The following CDC23 variants were observed in gnomAD, a reference collection of about 807,000 sequenced individuals.
CDC23 encodes the protein cell division cycle protein 23 homolog.
CDC23 carries 26 observed loss-of-function variants against 81.7 expected under a neutral mutation model. That is an observed-to-expected ratio of 0.32 (90% CI 0.23 to 0.44). The LOEUF is 0.44. Ranked by LOEUF, CDC23 falls within the 20% of genes least tolerant of loss-of-function variation. CDC23 has a pLI of 1.00. For synonymous variants in CDC23, 267 were observed against 270.8 expected (o/e 0.99, Z 0.14); for missense variants, 519 against 728.0 (o/e 0.71, Z 3.30).
intron 2 of CDC23, among the ~76,000 whole-genome samples, chr5:138,209,560 C>T (rs1755090462): frequency 6.6e-6 from 1 of 152,002 alleles, no homozygotes; most frequent in Non-Finnish European, 1.5e-5. Flanking sequence ...TGTGGTGGCT[C>T]ACACCTGTAA....
intron 6 of CDC23, among the ~76,000 whole-genome samples, chr5:138,199,359 A>C (rs780714490): frequency 1.1e-4 from 16 of 152,190 alleles, no homozygotes; most frequent in Non-Finnish European, 1.9e-4. Context: ...GCACTTTGGG[A>C]GGCTATGGGA....
chr5:138,205,643 T>A (rs908399283), intron 3 of CDC23, among the ~76,000 whole-genome samples: 1 of 150,502 alleles, frequency 6.6e-6, no homozygotes, highest in Admixed American at 6.7e-5. Flanking sequence ...ACATTATGAA[T>A]GCATTTAATA....
chr5:138,213,226 C>T lies in CDC23; in HGVS notation c.87G>A (p.Leu29=). ...GCAGCAGTTGCTTTTTAATTTCCCG[C>T]AAATCTGAGAAATCGCTGTTTATGG... ...VLSINSDFSD[L]REIKKQLLLI... The change falls in exon 1 of 16, where the codon TTG becomes TTA. Residue 29 remains leucine, a synonymous_variant. Transcript: ENST00000394886. 1 of 1,614,182 alleles carries T rather than the reference C, an allele frequency of 6.2e-7. No individual in the cohort carries two copies. Among genetic ancestry groups the T allele is most frequent in the Non-Finnish European group, 8.5e-7 (1 of 1,180,032 alleles).
intron 9 of CDC23, among the ~76,000 whole-genome samples, chr5:138,193,125 C>A (rs945696748): frequency 1.3e-5 from 2 of 152,124 alleles, no homozygotes; most frequent in African/African-American, 4.8e-5. Context: ...GAGACAGTCT[C>A]CCTATGTTGC....
intron 9 of CDC23, among the ~76,000 whole-genome samples, chr5:138,196,062 A>G (rs1179412735): frequency 6.6e-6 from 1 of 151,046 alleles, no homozygotes; most frequent in Non-Finnish European, 1.5e-5. Context: ...TGAACTGGCT[A>G]TAATATGAAA....
In CDC23 at chr5:138,196,109, C is replaced by T. The variant is rs556167871; in HGVS notation, c.1012+2090G>A. Among the ~76,000 whole-genome samples, 7 of 151,438 alleles carry T rather than the reference C, an allele frequency of 4.6e-5. No homozygotes were observed. The East Asian group carries it at 5.8e-4, about 13-fold the overall frequency. Reference sequence around the variant, plus strand: ...ATTTTTTGTCATATCTAATGTTCCCCGCTCTGATTTTTAAGGTAGGTGGGC... The same window carrying T: ...ATTTTTTGTCATATCTAATGTTCCCTGCTCTGATTTTTAAGGTAGGTGGGC... On this transcript the variant is annotated intron_variant, in intron 9 of 15. Transcript: ENST00000394886.
chr5:138,206,313 A>G (rs1244488449), intron 3 of CDC23: 1 of 562,498 alleles, frequency 1.8e-6, no homozygotes, highest in Admixed American at 3.4e-5. Context: ...TATATAACCT[A>G]AAGTAAATAA....
Position 138,201,177 on chromosome 5 carries a change from G to A in CDC23, c.584C>T (p.Ala195Val). The change falls in exon 6 of 16, where the codon GCT becomes GTT. Residue 195 changes from alanine (A) to valine (V), a missense_variant. This residue lies in a region of CDC23 where 180 missense variants were observed against 239.3 expected (regional missense o/e 0.75). Transcript: ENST00000394886. ...VKEAIDVFVE[A>V]THVLPLHWGA... is the part of the protein sequence containing the mutation. ...CCAATGCAAGGGCAAAACATGAGTA[G>A]CTTCCACAAACACATCAATGGCCTC... 6.2e-7 allele frequency: 1 copy of A among 1,614,164 alleles called. No individual in the cohort carries two copies. The highest frequency in any genetic ancestry group is 8.5e-7 in the Non-Finnish European group (1 of 1,180,024).
At chr5:138,212,257 C>T (rs1755121618) in intron 2 of CDC23, among the ~76,000 whole-genome samples, 2 of 152,130 alleles carry the variant, frequency 1.3e-5, no homozygotes, top group Non-Finnish European at 2.9e-5. Context: ...AATCCAGCAC[C>T]CAAACTTAAC....
chr5:138,198,879 A>T, intron 6 of CDC23, 97 bp from the exon 7 acceptor site: 1 of 1,293,476 alleles, frequency 7.7e-7, no homozygotes, highest in Admixed American at 2.3e-5. Context: ...GGAATTTATC[A>T]CTAAAATTTT....
intron 5 of CDC23, 41 bp from the exon 6 acceptor site, chr5:138,201,280 T>A (rs1000101623): frequency 4.3e-6 from 7 of 1,613,640 alleles, no homozygotes; most frequent in Non-Finnish European, 5.9e-6. Flanking sequence ...TAATGCTATT[T>A]AATAGCTGCT....
chr5:138,207,691 A>G (rs1490854401), intron 2 of CDC23, among the ~76,000 whole-genome samples: 1 of 152,154 alleles, frequency 6.6e-6, no homozygotes, highest in African/African-American at 2.4e-5. Flanking sequence ...GGCTGAGCGC[A>G]GTGGCTGTAA....
At chr5:138,195,776 ATATATACATATATTTTATATATGTG>A (rs1272283482) in intron 9 of CDC23, among the ~76,000 whole-genome samples, 1 of 123,206 alleles carries the variant, frequency 8.1e-6, no homozygotes, top group African/African-American at 3.2e-5. Flanking sequence ...ATATATGTGT[ATATATACATATATTTTATATATGTG>A]TATATATATA....
At chr5:138,195,574 A>G in intron 9 of CDC23, among the ~76,000 whole-genome samples, 1 of 58,854 alleles carries the variant, frequency 1.7e-5, no homozygotes, top group South Asian at 6.6e-4. Flanking sequence ...ATATTTATAT[A>G]TAATATATTA....
chr5:138,204,504 CAA>C (rs200166996), intron 3 of CDC23, among the ~76,000 whole-genome samples: 97 of 106,048 alleles, frequency 9.1e-4, no homozygotes, highest in Middle Eastern at 0.011. Flanking sequence ...GACTCCATTT[CAA>C]AAAAAAAAAA....
Position 138,189,048 on chromosome 5 carries a change from G to C in CDC23, c.1724C>G (p.Ala575Gly). Reference protein sequence around the residue: ...TEVPAPFFLPASLSANNTPTR... With the variant: ...TEVPAPFFLPGSLSANNTPTR... ...GGGGGTATTGTTAGCAGAGAGTGAA[G>C]CAGGTAGGAAAAAGGGAGCAGGCAC... The change falls in exon 16 of 16, where the codon GCT (alanine) becomes GGT (glycine). Residue 575 changes from alanine to glycine, a missense_variant. This residue lies in a region of CDC23 where 38 missense variants were observed against 34.7 expected (regional missense o/e 1.10). Coordinates refer to ENST00000394886, the MANE Select transcript of CDC23 (RefSeq NM_004661.4). 6.2e-7 allele frequency: 1 copy of C among 1,614,132 alleles called. No homozygotes were observed. The highest frequency in any genetic ancestry group is 8.5e-7 in the Non-Finnish European group (1 of 1,180,006).
At chr5:138,208,839 A>G (rs1755081277) in intron 2 of CDC23, among the ~76,000 whole-genome samples, 1 of 152,146 alleles carries the variant, frequency 6.6e-6, no homozygotes, top group Non-Finnish European at 1.5e-5. Flanking sequence ...CCTGGGCTGC[A>G]GTGTAGTGGC....
At chr5:138,201,304 AAT>A (rs1754986787) in intron 5 of CDC23, 37 bp downstream of exon 5, 1 of 1,612,906 alleles carries the variant, frequency 6.2e-7, no homozygotes, top group Non-Finnish European at 8.5e-7. Flanking sequence ...TACTCAGGAG[AAT>A]ATGTTACAGA....
At chr5:138,191,661 G>C (rs1285518295) in intron 12 of CDC23, 126 bp from the exon 13 acceptor site, 6 of 1,006,302 alleles carry the variant, frequency 6.0e-6, no homozygotes, top group Non-Finnish European at 9.5e-6. Flanking sequence ...ATTTTTACTA[G>C]TTCTGATAGG....
Sources: allele counts gnomAD v4.1 joint callset (sites outside exome capture counted in the v4.1 genomes callset), GRCh38; gene constraint gnomAD v4.1.1; regional missense constraint gnomAD v4.1.1; transcripts MANE v1.5; gene names NCBI Gene and HGNC (gene_info 2026-07-23, HGNC 2026-07-21).